PRSS23: variants seen among roughly 807,000 people sequenced by gnomAD.
The protein encoded by PRSS23 is serine protease 23, also known as protease, serine 23.
A neutral mutation model predicts 34.7 loss-of-function variants in PRSS23; 25 were observed. The ratio of observed to expected loss-of-function variants is 0.72; its 90% CI spans 0.53 to 1.01. The LOEUF (loss-of-function observed/expected upper bound fraction) is 1.01. Ranked by LOEUF, PRSS23 falls within the 50% of genes least tolerant of loss-of-function variation. The pLI, the probability that PRSS23 is intolerant of heterozygous loss-of-function variation, is 0.00. For missense variants in PRSS23, 445 were observed against 475.6 expected, an observed-to-expected ratio of 0.94 and a Z score of 0.60; for synonymous variants, 176 against 186.6, an observed-to-expected ratio of 0.94 and a Z score of 0.46.
rs530658595 is a variant in PRSS23, at chr11:86,950,936, A to C, written c.207-280A>C. 355 of 631,546 alleles carry C rather than the reference A, an allele frequency of 5.6e-4. 1 individual carries two copies. The highest frequency in any genetic ancestry group is 1.6e-3 in the South Asian group (86 of 53,096). The allele number at this position is 631,546 out of a possible 1,614,324, so 39.1% of individuals were successfully genotyped here. A position where few individuals can be genotyped will look rare whatever the true frequency, so the allele number is the denominator to read the frequency against. On this transcript the variant is annotated intron_variant, in intron 2 of 2. Coordinates refer to the PRSS23 transcript ENST00000533902. ...TTGAAAGCCTCTAACTGGCTTTTCC[A>C]TTTTGGATCATTCCAAAGTCTGCAG... is the stretch of plus-strand genomic sequence containing the variant.
At chr11:86,815,931 C>T (rs970938978), downstream of PRSS23, among the ~76,000 whole-genome samples, 4 of 152,146 alleles carry the variant, frequency 2.6e-5, no homozygotes, top group African/African-American at 7.2e-5. Flanking sequence ...CCCAGCTCGC[C>T]CACACCTGCC....
At chr11:86,928,909 C>G (rs1949103536) in intron 2 of PRSS23, among the ~76,000 whole-genome samples, 1 of 151,848 alleles carries the variant, frequency 6.6e-6, no homozygotes, top group South Asian at 2.1e-4. Flanking sequence ...TTTTTCTGCT[C>G]TCAGATCTCC....
chr11:86,832,839 A>C, intron 2 of PRSS23: 1 of 306,648 alleles, frequency 3.3e-6, no homozygotes, highest in South Asian at 3.1e-5. Flanking sequence ...AGAAAACCAA[A>C]TATGGCAGCA....
In PRSS23 at chr11:86,875,642, G is replaced by A. The variant is rs572044975; in HGVS notation, c.206+52049G>A. Among the ~76,000 whole-genome samples, 11 of 152,204 alleles carry A rather than the reference G, an allele frequency of 7.2e-5. No homozygotes were observed. In the South Asian group the frequency reaches 1.7e-3, roughly 23 times the overall value. On this transcript the variant is annotated intron_variant, in intron 2 of 2. Transcript: ENST00000533902. Reference sequence around the variant, plus strand: ...ACTCTTTCTTGACTAACAACCCTTCGATTAAAAATTTAAGCAACTGCGTAA... The same window carrying A: ...ACTCTTTCTTGACTAACAACCCTTCAATTAAAAATTTAAGCAACTGCGTAA...
chr11:86,803,493 A>G (rs1350851912), intron 1 of PRSS23, among the ~76,000 whole-genome samples: 1 of 152,232 alleles, frequency 6.6e-6, no homozygotes, highest in East Asian at 1.9e-4. Context: ...CTTCTAAGGA[A>G]TTACTCCATT....
intron 2 of PRSS23, among the ~76,000 whole-genome samples, chr11:86,859,348 C>T (rs1268956236): frequency 2.6e-5 from 4 of 151,932 alleles, no homozygotes; most frequent in African/African-American, 7.3e-5. Flanking sequence ...TTCTAATACC[C>T]GTTGCAGGAG....
At chr11:86,872,726 T>C (rs1948693500) in intron 2 of PRSS23, among the ~76,000 whole-genome samples, 1 of 152,186 alleles carries the variant, frequency 6.6e-6, no homozygotes. Context: ...CCCATTGTGA[T>C]TCTACTTAAT....
intron 2 of PRSS23, among the ~76,000 whole-genome samples, chr11:86,923,313 G>A (rs1317055798): frequency 6.6e-6 from 1 of 152,032 alleles, no homozygotes; most frequent in African/African-American, 2.4e-5. Context: ...TTTTTGTAGA[G>A]ATGGGGTCTT....
chr11:86,852,153 C>T (rs186945006), intron 2 of PRSS23, among the ~76,000 whole-genome samples: 201 of 152,286 alleles, frequency 1.3e-3, no homozygotes, highest in African/African-American at 4.5e-3. Context: ...CCACTGTCCT[C>T]CCTGCGTGGT....
At chr11:86,858,545 G>A (rs559523006) in intron 2 of PRSS23, among the ~76,000 whole-genome samples, 3 of 151,758 alleles carry the variant, frequency 2.0e-5, no homozygotes, top group African/African-American at 7.3e-5. Context: ...AGAGGAAGAT[G>A]TTAATCCCAA....
chr11:86,928,784 C>A (rs1266580256), intron 2 of PRSS23, among the ~76,000 whole-genome samples: 1 of 142,122 alleles, frequency 7.0e-6, no homozygotes, highest in Non-Finnish European at 1.5e-5. Flanking sequence ...ATTATATCAA[C>A]AGATATATTG....
chr11:86,851,756 C>A (rs1281060804), intron 2 of PRSS23, among the ~76,000 whole-genome samples: 1 of 152,150 alleles, frequency 6.6e-6, no homozygotes, highest in Non-Finnish European at 1.5e-5. Flanking sequence ...ACTTAGGAAG[C>A]CCTCAGTAAG....
chr11:86,879,835 C>A (rs1383458639), intron 2 of PRSS23, among the ~76,000 whole-genome samples: 9 of 139,368 alleles, frequency 6.5e-5, no homozygotes, highest in Non-Finnish European at 1.3e-4. Context: ...GGGGTCAGCC[C>A]CCCGCCCGGC....
intron 2 of PRSS23, among the ~76,000 whole-genome samples, chr11:86,930,923 G>T (rs1325796483): frequency 6.6e-6 from 1 of 152,196 alleles, no homozygotes; most frequent in Non-Finnish European, 1.5e-5. Context: ...ACAGCGGGCA[G>T]GAAGATGCAG....
intron 2 of PRSS23, among the ~76,000 whole-genome samples, chr11:86,903,696 G>A (rs1381135761): frequency 6.6e-6 from 1 of 151,968 alleles, no homozygotes; most frequent in Non-Finnish European, 1.5e-5. Context: ...TGTTAGCCAG[G>A]ATGGTCTTGA....
At position 86,895,077 on chromosome 11, in the gene PRSS23, G is replaced by C. The variant is rs74317827; in HGVS notation, c.207-56139G>C. On this transcript the variant is annotated intron_variant, in intron 2 of 2. Transcript: ENST00000533902. ...CAGTGAGACTTCAGATCATGAGTTTGAGAATTCTGGCTTTTAAGTCCTATT... is the reference window on the plus strand; with the variant it reads ...CAGTGAGACTTCAGATCATGAGTTTCAGAATTCTGGCTTTTAAGTCCTATT... Among the ~76,000 whole-genome samples the C allele has an allele frequency of 8.4e-3, 1,277 of 152,232 alleles. 18 individuals are homozygous for C. The highest frequency in any genetic ancestry group is 0.03 in the African/African-American group (1,240 of 41,528).
intron 2 of PRSS23, among the ~76,000 whole-genome samples, chr11:86,899,182 C>T (rs1051898809): frequency 2.6e-5 from 4 of 152,060 alleles, no homozygotes; most frequent in Non-Finnish European, 5.9e-5. Flanking sequence ...TCATGGTGCA[C>T]TGCTAGGGGA....
At chr11:86,889,132 T>C (rs1433136076) in intron 2 of PRSS23, among the ~76,000 whole-genome samples, 9 of 152,202 alleles carry the variant, frequency 5.9e-5, no homozygotes, top group Admixed American at 5.9e-4. Context: ...TAAGCAGCCT[T>C]TGATGAGTCC....
rs1948165457 is a variant in PRSS23, at chr11:86,810,467, G to A, written c.*1672G>A. On this transcript the variant is annotated 3_prime_UTR_variant, in exon 2 of 2. Transcript: ENST00000280258. ...GAAATACTATGCATAGCAAGGAGAT[G>A]CAGAGCCGCCAGGAAAATTCTGAGT... 1 of 167,086 alleles carries A rather than the reference G, an allele frequency of 6.0e-6. No homozygotes were observed. Among genetic ancestry groups the A allele is most frequent in the South Asian group, 2.1e-4 (1 of 4,832 alleles). 10.4% of individuals were successfully genotyped at this position (167,086 alleles called of 1,614,324 possible). A position where few individuals can be genotyped will look rare whatever the true frequency, so the allele number is the denominator to read the frequency against.
Sources: allele counts gnomAD v4.1 joint callset (sites outside exome capture counted in the v4.1 genomes callset), GRCh38; gene constraint gnomAD v4.1.1; transcripts MANE v1.5; gene names NCBI Gene and HGNC (gene_info 2026-07-23, HGNC 2026-07-21).